The following STK40 variants were observed in gnomAD, a reference collection of about 807,000 sequenced individuals.
The protein encoded by STK40 is serine/threonine-protein kinase 40.
A neutral mutation model predicts 47.9 loss-of-function variants in STK40; 13 were observed. The ratio of observed to expected loss-of-function variants is 0.27; its 90% CI spans 0.18 to 0.43. The LOEUF (loss-of-function observed/expected upper bound fraction) is 0.43. STK40 is among the 20% of genes least tolerant of loss of function. STK40 has a pLI of 1.00. For missense variants in STK40, 460 were observed against 595.1 expected, an observed-to-expected ratio of 0.77 and a Z score of 2.36; for synonymous variants, 225 against 243.2, an observed-to-expected ratio of 0.93 and a Z score of 0.69.
intron 6 of STK40, among the ~76,000 whole-genome samples, chr1:36,353,897 G>C (rs954039557): frequency 6.6e-6 from 1 of 152,114 alleles, no homozygotes; most frequent in African/African-American, 2.4e-5. Context: ...GCATCATTTT[G>C]CTCGTTCCTT....
chr1:36,345,991 A>ATATT lies in STK40; in HGVS notation c.740-1728_740-1727insAATA. Among the ~76,000 whole-genome samples the ATATT allele has an allele frequency of 1.0e-3, 27 of 26,470 alleles. 2 individuals are homozygous for ATATT. Among genetic ancestry groups the ATATT allele is most frequent in the Admixed American group, 5.2e-3 (8 of 1,536 alleles). 17.4% of individuals were successfully genotyped at this position (26,470 alleles called of 152,430 possible). Reference sequence around the variant, plus strand: ...TACATATATATATATATATATATATATTTTTTTTTTTTTTTTTTCCTGAGA... The same window carrying ATATT: ...TACATATATATATATATATATATATATATTTTTTTTTTTTTTTTTTTTCCTGAGA... On this transcript the variant is annotated intron_variant, in intron 7 of 10. Coordinates refer to ENST00000373132, the MANE Select transcript of STK40 (RefSeq NM_001282547.2).
intron 3 of STK40, 142 bp downstream of exon 3, chr1:36,358,595 G>C: frequency 9.1e-7 from 1 of 1,097,814 alleles, no homozygotes; most frequent in Non-Finnish European, 1.3e-6. Context: ...TTCTGAGGGA[G>C]ACTGTGAACT....
At chr1:36,349,241 A>T (rs958027880) in intron 6 of STK40, among the ~76,000 whole-genome samples, 1 of 152,232 alleles carries the variant, frequency 6.6e-6, no homozygotes, top group Non-Finnish European at 1.5e-5. Context: ...GAAGTCCAGC[A>T]GAGGTGAGTG....
At position 36,361,767 on chromosome 1, in the gene STK40, C is replaced by T. The variant is rs761447382; in HGVS notation, c.-8-427G>A. On this transcript the variant is annotated intron_variant, in intron 1 of 10. Transcript: ENST00000373132. Reference sequence around the variant, plus strand: ...AACTGTTCCCAAAGTGAGACCTGCCCTCCAAATACCTACAGCCTAATGACC... The same window carrying T: ...AACTGTTCCCAAAGTGAGACCTGCCTTCCAAATACCTACAGCCTAATGACC... 3.9e-5 allele frequency among the ~76,000 whole-genome samples: 6 copies of T among 152,206 alleles called. No individual in the cohort carries two copies. The South Asian group carries it at 6.2e-4, about 16-fold the overall frequency.
intron 1 of STK40, among the ~76,000 whole-genome samples, chr1:36,384,221 G>A (rs543495452): frequency 6.6e-6 from 1 of 152,000 alleles, no homozygotes; most frequent in Non-Finnish European, 1.5e-5. Flanking sequence ...GTAGAGATGG[G>A]GTTTCACCAT....
At chr1:36,355,163 G>C in intron 5 of STK40, 43 bp downstream of exon 5, 1 of 1,592,570 alleles carries the variant, frequency 6.3e-7, no homozygotes, top group Non-Finnish European at 8.6e-7. Flanking sequence ...AAGAAAGGTG[G>C]CTTTCTGTGG....
rs1646639777 is a variant in STK40 at position 36,340,850 on chromosome 1, C to T, written c.*905G>A. 6.6e-6 allele frequency: 1 copy of T among 152,438 alleles called. No homozygotes were observed. The highest frequency in any genetic ancestry group is 2.4e-5 in the African/African-American group (1 of 41,462). 9.4% of individuals were successfully genotyped at this position (152,438 alleles called of 1,614,324 possible). On this transcript the variant is annotated 3_prime_UTR_variant, in exon 11 of 11. Coordinates refer to ENST00000373132, the MANE Select transcript of STK40 (RefSeq NM_001282547.2). ...AGGCAGCCCCCGCTCACGGCCAGGC[C>T]TGCAGCCCAACCCATGGGCCCCTTC...
At chr1:36,344,976 T>C (rs1458209852) in intron 7 of STK40, among the ~76,000 whole-genome samples, 1 of 152,242 alleles carries the variant, frequency 6.6e-6, no homozygotes, top group African/African-American at 2.4e-5. Context: ...CCCAGTGATC[T>C]GCTCTGTCCA....
At chr1:36,381,436 G>A (rs746632552) in intron 1 of STK40, among the ~76,000 whole-genome samples, 1 of 152,116 alleles carries the variant, frequency 6.6e-6, no homozygotes, top group African/African-American at 2.4e-5. Context: ...CCTGCCTGGA[G>A]GGCTTCATAG....
At chr1:36,347,645 GTTTT>G (rs562523525) in intron 7 of STK40, among the ~76,000 whole-genome samples, 10 of 147,012 alleles carry the variant, frequency 6.8e-5, no homozygotes, top group African/African-American at 2.2e-4. Flanking sequence ...AACTTTATGA[GTTTT>G]TTTTTTTCTT....
chr1:36,361,411 G>C, intron 1 of STK40, 71 bp from the exon 2 acceptor site: 1 of 1,597,520 alleles, frequency 6.3e-7, no homozygotes, highest in Non-Finnish European at 8.5e-7. Context: ...CCAGCCTGCA[G>C]GCCTTTGACT....
chr1:36,369,743 T>A lies in STK40; in HGVS notation c.-8-8403A>T, dbSNP rs576223249. ...TTGGTTTATCTGTCTGACTCCCCCATCTCAGGCTGTGGGCTCCCTTGAGGG... is the reference window on the plus strand; with the variant it reads ...TTGGTTTATCTGTCTGACTCCCCCAACTCAGGCTGTGGGCTCCCTTGAGGG... On this transcript the variant is annotated intron_variant, in intron 1 of 10. Coordinates refer to ENST00000373132, the MANE Select transcript of STK40 (RefSeq NM_001282547.2). Among the ~76,000 whole-genome samples the A allele has an allele frequency of 5.5e-4, 84 of 152,262 alleles. No individual in the cohort carries two copies. The South Asian group carries it at 0.015, about 26-fold the overall frequency.
At chr1:36,374,290 A>T (rs749346876) in intron 1 of STK40, among the ~76,000 whole-genome samples, 1 of 152,248 alleles carries the variant, frequency 6.6e-6, no homozygotes, top group Non-Finnish European at 1.5e-5. Context: ...AAGAAAGCCT[A>T]GAAGCTAAAG....
rs2124740141 is a variant in STK40 at position 36,362,285 on chromosome 1, AAACAGATGTGT to A, written c.-8-956_-8-946del. On this transcript the variant is annotated intron_variant, in intron 1 of 10. Transcript: ENST00000373132. The stretch of plus-strand genomic sequence containing the variant: ...AAAGCAGGATCCGGGGGGGACAAGG[AAACAGATGTGT>A]ACAGACGAGTTCCACATGGGGAAGG... Among the ~76,000 whole-genome samples, 4 of 152,318 alleles carry A rather than the reference AAACAGATGTGT, an allele frequency of 2.6e-5. No homozygotes were observed. The South Asian group carries it at 8.3e-4, about 32-fold the overall frequency.
intron 3 of STK40, 142 bp from the exon 4 acceptor site, chr1:36,358,524 T>G: frequency 7.7e-7 from 1 of 1,292,868 alleles, no homozygotes; most frequent in South Asian, 1.5e-5. Flanking sequence ...GTGAAATCGT[T>G]TTTCTTAATA....
intron 1 of STK40, among the ~76,000 whole-genome samples, chr1:36,385,515 T>C (rs1647078255): frequency 6.6e-6 from 1 of 152,000 alleles, no homozygotes; most frequent in South Asian, 2.1e-4. Flanking sequence ...TCCCGCGGCC[T>C]CCCGGTACCC....
In STK40 at chr1:36,367,210, G is replaced by A. The variant is rs143166957; in HGVS notation, c.-8-5870C>T. Among the ~76,000 whole-genome samples the A allele has an allele frequency of 6.2e-3, 942 of 152,178 alleles. 4 individuals are homozygous for A. The highest frequency in any genetic ancestry group is 0.024 in the Middle Eastern group (7 of 294). On this transcript the variant is annotated intron_variant, in intron 1 of 10. Transcript: ENST00000373132. Reference sequence around the variant, plus strand: ...TCCCCTTAGAACCTGAACTCAACAGGAAGCTCAGAGAGGCAACAATGAGGG... The same window carrying A: ...TCCCCTTAGAACCTGAACTCAACAGAAAGCTCAGAGAGGCAACAATGAGGG...
At chr1:36,362,678 C>A (rs1037190343) in intron 1 of STK40, 1 of 152,118 alleles carries the variant, frequency 6.6e-6, no homozygotes, top group East Asian at 1.9e-4. Context: ...TTAGAAAATA[C>A]GCATGTGCAA....
At chr1:36,367,014 T>TG (rs1646908454) in intron 1 of STK40, among the ~76,000 whole-genome samples, 1 of 150,692 alleles carries the variant, frequency 6.6e-6, no homozygotes, top group Non-Finnish European at 1.5e-5. Context: ...TTTTTTTTTT[T>TG]TTTTTGTATT....
Sources: gnomAD v4.1 joint callset for allele counts (sites outside exome capture counted in the v4.1 genomes callset) on GRCh38, gnomAD v4.1.1 for gene constraint, MANE v1.5 for transcripts, NCBI Gene and HGNC (gene_info 2026-07-23, HGNC 2026-07-21) for gene names.